PIEZO2: variants seen among roughly 807,000 people sequenced by gnomAD.
PIEZO2 encodes piezo type mechanosensitive ion channel component 2.
In PIEZO2, 172 loss-of-function variants were observed where a neutral mutation model predicts 337.3. That is an observed-to-expected ratio of 0.51 (90% CI 0.45 to 0.58). The LOEUF (loss-of-function observed/expected upper bound fraction) is 0.58, where lower values mean the gene tolerates loss of function less well. Among genes scored for constraint, PIEZO2 ranks in the 20% least tolerant of loss-of-function variants. PIEZO2 has a pLI of 0.00. For missense variants in PIEZO2, 3,028 were observed against 3,391.3 expected, an observed-to-expected ratio of 0.89 and a Z score of 2.66; for synonymous variants, 1,251 against 1,228.5, an observed-to-expected ratio of 1.02 and a Z score of -0.38.
At chr18:10,875,088 T>C (rs1424094780) in intron 4 of PIEZO2, among the ~76,000 whole-genome samples, 3 of 152,096 alleles carry the variant, frequency 2.0e-5, no homozygotes, top group Non-Finnish European at 4.4e-5. Context: ...ATATGTACAA[T>C]TATTACAAAT....
rs779950574 is a variant in PIEZO2, at chr18:10,716,892, T to C, written c.5090-1076A>G. ...GAAGGTGAACATTATTACGGCGTGG[T>C]TTTGCTACAGTGGGCCTGATTGTAA... is the stretch of plus-strand genomic sequence containing the variant. On this transcript the variant is annotated intron_variant, in intron 37 of 55. Coordinates refer to ENST00000674853, the MANE Select transcript of PIEZO2 (RefSeq NM_001378183.1). This position sits in a 1 kb window ranked among gnomAD's most constrained non-coding sequence, Gnocchi z 4.1. Among the ~76,000 whole-genome samples, 1 of 152,178 alleles carries C rather than the reference T, an allele frequency of 6.6e-6. No individual in the cohort carries two copies. The highest frequency in any genetic ancestry group is 1.5e-5 in the Non-Finnish European group (1 of 68,028).
intron 8 of PIEZO2, 91 bp downstream of exon 8, chr18:10,807,021 G>T: frequency 7.9e-7 from 1 of 1,270,430 alleles, no homozygotes; most frequent in Non-Finnish European, 1.1e-6. Flanking sequence ...ATAGAGTATC[G>T]ATTAGTCAGT....
chr18:11,125,358 A>G lies in PIEZO2; in HGVS notation c.64+23167T>C, dbSNP rs2040154599. Among the ~76,000 whole-genome samples the G allele has an allele frequency of 6.6e-6, 1 of 152,244 alleles. No individual in the cohort carries two copies. Among genetic ancestry groups the G allele is most frequent in the Non-Finnish European group, 1.5e-5 (1 of 68,048 alleles). The stretch of plus-strand genomic sequence containing the variant: ...CATCAGCATTGTTACAACACTTACA[A>G]TGTTGAATGTGGCATTTCAGCAATT... On this transcript the variant is annotated intron_variant, in intron 1 of 55. Transcript: ENST00000674853. This position sits in a 1 kb window ranked among gnomAD's most constrained non-coding sequence, Gnocchi z 4.4.
At chr18:10,761,225 C>G in intron 23 of PIEZO2, 114 bp from the exon 24 acceptor site, 2 of 928,948 alleles carry the variant, frequency 2.2e-6, no homozygotes, top group Non-Finnish European at 3.2e-6. Context: ...AAGCTCACCT[C>G]TCTTAAGCAG....
At chr18:11,026,757 C>G (rs992904312) in intron 2 of PIEZO2, among the ~76,000 whole-genome samples, 2 of 152,176 alleles carry the variant, frequency 1.3e-5, no homozygotes, top group African/African-American at 4.8e-5. Context: ...CTCTTCAAAA[C>G]TGTATCACTT....
chr18:11,012,979 G>A (rs1286709994), intron 2 of PIEZO2, among the ~76,000 whole-genome samples: 3 of 152,142 alleles, frequency 2.0e-5, no homozygotes. Context: ...GGGCAGTTAA[G>A]GCTGGAGTGA....
At chr18:10,785,092 T>A in intron 16 of PIEZO2, 135 bp from the exon 17 acceptor site, 4 of 921,494 alleles carry the variant, frequency 4.3e-6, no homozygotes, top group South Asian at 2.6e-5. Context: ...TCCCATATGG[T>A]CCAATATGGC....
chr18:11,082,394 T>C, intron 1 of PIEZO2, among the ~76,000 whole-genome samples: 1 of 151,778 alleles, frequency 6.6e-6, no homozygotes. Flanking sequence ...CTCAGTTCAC[T>C]GCAAGCTCCA....
In PIEZO2 at chr18:11,063,679, G is replaced by A. The variant is rs117554054; in HGVS notation, c.160+2448C>T. On this transcript the variant is annotated intron_variant, in intron 2 of 55. Transcript: ENST00000674853. ...CACATCCTGCCAGCAATACATGGTG[G>A]CCTAACAGGCTCCTAAGGCTGATTC... Among the ~76,000 whole-genome samples, 189 of 152,300 alleles carry A rather than the reference G, an allele frequency of 1.2e-3. 2 individuals are homozygous for A. In the East Asian group the frequency reaches 0.033, roughly 27 times the overall value.
intron 16 of PIEZO2, 129 bp from the exon 17 acceptor site, chr18:10,785,086 A>C: frequency 1.1e-6 from 1 of 913,182 alleles, no homozygotes; most frequent in Non-Finnish European, 1.5e-6. Flanking sequence ...CCTCTCTCCC[A>C]TATGGTCCAA....
intron 4 of PIEZO2, among the ~76,000 whole-genome samples, chr18:10,880,076 T>C (rs1292426664): frequency 1.3e-5 from 2 of 152,202 alleles, no homozygotes; most frequent in Admixed American, 6.5e-5. Flanking sequence ...TGGTGAAAGC[T>C]GGTTGGTAGA....
chr18:11,088,614 C>T (rs2038980202), intron 1 of PIEZO2, among the ~76,000 whole-genome samples: 1 of 152,166 alleles, frequency 6.6e-6, no homozygotes, highest in South Asian at 2.1e-4. Flanking sequence ...ACAGAAGGTT[C>T]CCTTAAATTG....
At chr18:10,758,877 C>G (rs2038000809) in intron 26 of PIEZO2, among the ~76,000 whole-genome samples, 1 of 152,208 alleles carries the variant, frequency 6.6e-6, no homozygotes. Context: ...TGAGGCCAAG[C>G]CTGCCTGGAA....
intron 1 of PIEZO2, among the ~76,000 whole-genome samples, chr18:11,068,778 C>A (rs2038240361): frequency 6.6e-6 from 1 of 151,920 alleles, no homozygotes; most frequent in African/African-American, 2.4e-5. Context: ...AATCCACAAA[C>A]CTCAGACTCA....
chr18:10,890,090 G>C (rs1202135166), intron 4 of PIEZO2, among the ~76,000 whole-genome samples: 2 of 152,222 alleles, frequency 1.3e-5, no homozygotes, highest in Non-Finnish European at 2.9e-5. Flanking sequence ...AGCTCCTACT[G>C]TGATGCTTTA....
At chr18:11,076,105 A>G (rs371236254) in intron 1 of PIEZO2, among the ~76,000 whole-genome samples, 2 of 152,288 alleles carry the variant, frequency 1.3e-5, no homozygotes, top group African/African-American at 4.8e-5. Context: ...ATTTCAAATA[A>G]GAAAATATGC....
chr18:11,081,339 A>G (rs2038732897), intron 1 of PIEZO2, among the ~76,000 whole-genome samples: 1 of 152,220 alleles, frequency 6.6e-6, no homozygotes, highest in South Asian at 2.1e-4. Context: ...AATGCCAATC[A>G]TTAGGAAACA....
chr18:10,690,228 G>A (rs2034749413), intron 48 of PIEZO2, among the ~76,000 whole-genome samples: 1 of 152,216 alleles, frequency 6.6e-6, no homozygotes, highest in African/African-American at 2.4e-5. Context: ...GAGGGAGAAG[G>A]AGAGGTTGTA....
At chr18:10,874,672 A>G (rs111531081) in intron 4 of PIEZO2, among the ~76,000 whole-genome samples, 16 of 152,168 alleles carry the variant, frequency 1.1e-4, no homozygotes, top group Non-Finnish European at 2.1e-4. Context: ...TTGCAGCAAC[A>G]TGGAAGAAAC....
Sources: allele counts gnomAD v4.1 joint callset (sites outside exome capture counted in the v4.1 genomes callset), GRCh38; gene constraint gnomAD v4.1.1; non-coding constraint Gnocchi (gnomAD v3.1); transcripts MANE v1.5; gene names NCBI Gene and HGNC (gene_info 2026-07-23, HGNC 2026-07-21).